The following RC3H2 variants were observed in gnomAD, a reference collection of about 807,000 sequenced individuals.
RC3H2 encodes the protein ring finger and CCCH-type domains 2, also known as roquin-2.
In RC3H2, 31 loss-of-function variants were observed where a neutral mutation model predicts 133.3. The ratio of observed to expected loss-of-function variants is 0.23; its 90% confidence interval spans 0.17 to 0.31. The LOEUF (loss-of-function observed/expected upper bound fraction) is 0.31, where lower values mean the gene tolerates loss of function less well. Among genes scored for constraint, RC3H2 ranks in the 10% least tolerant of loss-of-function variants. The probability of loss-of-function intolerance (pLI) is 1.00; values close to 1 mark genes in which losing one functional copy is unlikely to be tolerated. For synonymous variants in RC3H2, 517 were observed against 502.2 expected (o/e 1.03, Z -0.40); for missense variants, 1,175 against 1,437.2 (o/e 0.82, Z 2.95).
In RC3H2 at chr9:122,855,722, A is replaced by G. The variant is rs567143288; in HGVS notation, c.2601+10T>C. 4 of 1,606,768 alleles carry G rather than the reference A, an allele frequency of 2.5e-6. No individual in the cohort carries two copies. The African/African-American group carries it at 5.4e-5, about 22-fold the overall frequency. On this transcript the variant is annotated intron_variant, in intron 14 of 20. Coordinates refer to ENST00000357244, the MANE Select transcript of RC3H2 (RefSeq NM_001100588.3). ...CACCTCCAACCCCTGCAACCCCAGC[A>G]AAATCATACCATTAACACAGCATTT...
intron 9 of RC3H2, among the ~76,000 whole-genome samples, chr9:122,869,022 C>T (rs1291806784): frequency 6.6e-6 from 1 of 151,508 alleles, no homozygotes; most frequent in Non-Finnish European, 1.5e-5. Flanking sequence ...CTGCCTCAGC[C>T]TCCCAAGTAG....
At chr9:122,897,210 G>T in intron 2 of RC3H2, 69 bp downstream of exon 2, 1 of 1,409,630 alleles carries the variant, frequency 7.1e-7, no homozygotes. Flanking sequence ...GGCTGGACAA[G>T]CCGTTAAAAT....
At position 122,881,159 on chromosome 9, in the gene RC3H2, T is replaced by C. The variant is rs368311110; in HGVS notation, c.760-365A>G. ...CCCAGCTGAAAGCTACATGAATTGA[T>C]TTGTGCACAATAAACAGGAGTTTCC... On this transcript the variant is annotated intron_variant, in intron 5 of 20. Coordinates refer to ENST00000357244, the MANE Select transcript of RC3H2 (RefSeq NM_001100588.3). Among the ~76,000 whole-genome samples, 55 of 152,286 alleles carry C rather than the reference T, an allele frequency of 3.6e-4. 1 individual carries two copies. The South Asian group carries it at 0.011, about 29-fold the overall frequency.
Position 122,859,073 on chromosome 9 carries a change from C to T in RC3H2, c.1879G>A (p.Ala627Thr). ...GYYPPPPTVPAGVAPCVPRFV... is the reference protein window; with the variant it reads ...GYYPPPPTVPTGVAPCVPRFV... ...CGAGGAACACAGGGAGCCACACCAGCTGGTACCGTTGGAGGTGGTGGATAG... is the reference window on the plus strand; with the variant it reads ...CGAGGAACACAGGGAGCCACACCAGTTGGTACCGTTGGAGGTGGTGGATAG... The change falls in exon 12 of 21, where the codon GCT becomes ACT. Residue 627 changes from alanine (A) to threonine (T), a missense_variant. Around this residue, in one of 8 missense-constraint regions of RC3H2, gnomAD observed 490 missense variants for 492.8 expected, o/e 0.99. Coordinates refer to ENST00000357244, the MANE Select transcript of RC3H2 (RefSeq NM_001100588.3). 2 of 1,594,790 alleles carry T rather than the reference C, an allele frequency of 1.3e-6. No homozygotes were observed. The highest frequency in any genetic ancestry group is 1.7e-6 in the Non-Finnish European group (2 of 1,167,888).
In RC3H2 at chr9:122,865,668, A is replaced by C; in HGVS notation, c.1326-11T>G. On this transcript the variant is annotated splice_polypyrimidine_tract_variant and intron_variant, in intron 9 of 20. Coordinates refer to ENST00000357244, the MANE Select transcript of RC3H2 (RefSeq NM_001100588.3). ...TTCCTTAATCGATACCTGTTTCAAAAACAATCAACAGATTGGTGAATATTT... is the reference window on the plus strand; with the variant it reads ...TTCCTTAATCGATACCTGTTTCAAACACAATCAACAGATTGGTGAATATTT... 6.2e-7 allele frequency: 1 copy of C among 1,600,816 alleles called. No individual in the cohort carries two copies. Among genetic ancestry groups the C allele is most frequent in the Non-Finnish European group, 8.5e-7 (1 of 1,174,422 alleles).
rs185580656 is a variant in RC3H2 at position 122,858,999 on chromosome 9, G to C, written c.1953C>G (p.Ser651=). The C allele has an allele frequency of 1.2e-4, 191 of 1,614,086 alleles. No individual in the cohort carries two copies. The African/African-American group carries it at 2.3e-3, about 20-fold the overall frequency. The change falls in exon 12 of 21, where the codon TCC becomes TCG. Residue 651 remains serine (S), a synonymous_variant. Transcript: ENST00000357244. The stretch of plus-strand genomic sequence containing the variant: ...TACTGTAATGATCGGCATATGGCAT[G>C]GAAGCAGGTGGGAGGGAGGACTCTG... The part of the protein sequence containing the change: ...NVPESSLPPA[S]MPYADHYSTF...
intron 1 of RC3H2, among the ~76,000 whole-genome samples, chr9:122,899,984 G>C (rs1294912902): frequency 1.3e-5 from 2 of 152,090 alleles, no homozygotes; most frequent in Non-Finnish European, 2.9e-5. Context: ...TAAGTGTGGG[G>C]CTTGGGGTGG....
intron 18 of RC3H2, among the ~76,000 whole-genome samples, chr9:122,851,909 CG>C (rs1564281038): frequency 6.6e-6 from 1 of 152,168 alleles, no homozygotes; most frequent in East Asian, 1.9e-4. Context: ...AGCCTCTGCC[CG>C]GCCGCCACCC....
chr9:122,861,451 T>C (rs1369484793), intron 10 of RC3H2, among the ~76,000 whole-genome samples: 9 of 144,650 alleles, frequency 6.2e-5, no homozygotes, highest in Admixed American at 7.3e-5. Flanking sequence ...GATCACGCCA[T>C]TGCACTCCAG....
chr9:122,867,295 CCCGCCCGG>C (rs1830743274), intron 9 of RC3H2, among the ~76,000 whole-genome samples: 1 of 92,704 alleles, frequency 1.1e-5, no homozygotes, highest in African/African-American at 4.3e-5. Context: ...GGGTCAGCCC[CCCGCCCGG>C]CCAGCCGCCC....
chr9:122,854,551 T>C lies in RC3H2; in HGVS notation c.2880A>G (p.Ser960=). The change falls in exon 16 of 21, where the codon TCA becomes TCG. Residue 960 remains serine (S), a synonymous_variant. Coordinates refer to ENST00000357244, the MANE Select transcript of RC3H2 (RefSeq NM_001100588.3). ...RWSSYGNEAT[S]SAHYVERDRF... is the part of the protein sequence containing the mutation. ...GTTACCTTTCAACATAGTGTGCTGA[T>C]GATGTGGCCTCGTTGCCATATGAAC... 1 of 1,612,918 alleles carries C rather than the reference T, an allele frequency of 6.2e-7. No homozygotes were observed. Among genetic ancestry groups the C allele is most frequent in the Non-Finnish European group, 8.5e-7 (1 of 1,178,868 alleles).
At chr9:122,886,847 T>C (rs1476252654) in intron 4 of RC3H2, among the ~76,000 whole-genome samples, 4 of 152,350 alleles carry the variant, frequency 2.6e-5, no homozygotes, top group Non-Finnish European at 2.9e-5. Flanking sequence ...TTCAAGTTAT[T>C]TACCCACTTT....
chr9:122,879,398 A>G (rs1473114733), intron 8 of RC3H2, among the ~76,000 whole-genome samples: 6 of 152,144 alleles, frequency 3.9e-5, no homozygotes, highest in Non-Finnish European at 8.8e-5. Flanking sequence ...TGTCTAAAAA[A>G]AAAAGAAAGA....
intron 9 of RC3H2, among the ~76,000 whole-genome samples, chr9:122,872,424 C>G (rs570492280): frequency 6.6e-6 from 1 of 152,314 alleles, no homozygotes; most frequent in East Asian, 1.9e-4. Context: ...ATGTCTAAGA[C>G]AAAATGAAAA....
At position 122,899,090 on chromosome 9, in the gene RC3H2, G is replaced by GGTTTTTTTTTTTTTTTTTTTT. The variant is rs1564322863; in HGVS notation, c.-67-1515_-67-1514insAAAAAAAAAAAAAAAAAAAAC. 2.1e-4 allele frequency among the ~76,000 whole-genome samples: 19 copies of GGTTTTTTTTTTTTTTTTTTTT among 88,410 alleles called. 9 individuals are homozygous for GGTTTTTTTTTTTTTTTTTTTT. The highest frequency in any genetic ancestry group is 2.4e-4 in the Non-Finnish European group (12 of 49,386). 58.0% of individuals were successfully genotyped at this position (88,410 alleles called of 152,430 possible). On this transcript the variant is annotated intron_variant, in intron 1 of 20. Coordinates refer to ENST00000357244, the MANE Select transcript of RC3H2 (RefSeq NM_001100588.3). ...AAAAAATTCTATTAGCCTTTATTGTGTTTTTTTTTTTTTTTTTTTTTTTTT... is the reference window on the plus strand; with the variant it reads ...AAAAAATTCTATTAGCCTTTATTGTGGTTTTTTTTTTTTTTTTTTTTTTTTTTTTTTTTTTTTTTTTTTTTT...
intron 9 of RC3H2, among the ~76,000 whole-genome samples, chr9:122,875,537 G>A (rs1588086400): frequency 1.3e-5 from 2 of 152,252 alleles, no homozygotes; most frequent in Admixed American, 6.5e-5. Flanking sequence ...GGCCCACAAA[G>A]CCAAAAATGT....
At chr9:122,884,839 G>GA (rs748125414) in intron 4 of RC3H2, among the ~76,000 whole-genome samples, 2 of 144,322 alleles carry the variant, frequency 1.4e-5, no homozygotes, top group African/African-American at 5.2e-5. Flanking sequence ...GCGACATAGC[G>GA]AAAGTCCGTC....
chr9:122,891,995 A>T (rs932153465), intron 3 of RC3H2, among the ~76,000 whole-genome samples: 2 of 152,254 alleles, frequency 1.3e-5, no homozygotes, highest in African/African-American at 2.4e-5. Context: ...GACTGAATGA[A>T]TACATGCATA....
chr9:122,862,891 C>CAAAAAAAA (rs1168612532), intron 10 of RC3H2, among the ~76,000 whole-genome samples: 1 of 48,138 alleles, frequency 2.1e-5, no homozygotes, highest in Non-Finnish European at 4.4e-5. Flanking sequence ...GACTCCATCT[C>CAAAAAAAA]AAAAAAAAAA....
Sources: allele counts gnomAD v4.1 joint callset (sites outside exome capture counted in the v4.1 genomes callset), GRCh38; gene constraint gnomAD v4.1.1; regional missense constraint gnomAD v4.1.1; transcripts MANE v1.5; gene names NCBI Gene and HGNC (gene_info 2026-07-23, HGNC 2026-07-21).